The following LRRTM4 variants were observed in gnomAD, a reference collection of about 807,000 sequenced individuals.
LRRTM4 encodes leucine rich repeat transmembrane neuronal 4.
Under a neutral mutation model 47.6 loss-of-function variants are expected in LRRTM4, and 25 were observed. The ratio of observed to expected loss-of-function variants is 0.53; its 90% confidence interval spans 0.38 to 0.73. The LOEUF is 0.73. Among genes scored for constraint, LRRTM4 ranks in the 30% least tolerant of loss-of-function variants. LRRTM4 has a pLI of 0.00. For missense variants in LRRTM4, 638 were observed against 713.4 expected, an observed-to-expected ratio of 0.89 and a Z score of 1.20; for synonymous variants, 311 against 269.5, an observed-to-expected ratio of 1.15 and a Z score of -1.51.
chr2:76,974,213 C>CATATATATATACAT (rs1283439856), intron 3 of LRRTM4, among the ~76,000 whole-genome samples: 17 of 126,424 alleles, frequency 1.3e-4, no homozygotes, highest in South Asian at 4.5e-4. Flanking sequence ...TATATATACA[C>CATATATATATACAT]ATATATATAC....
intron 3 of LRRTM4, among the ~76,000 whole-genome samples, chr2:76,991,013 T>C (rs959017938): frequency 4.0e-5 from 6 of 151,846 alleles, no homozygotes; most frequent in Non-Finnish European, 8.8e-5. Flanking sequence ...ACCACACAGT[T>C]ACATGAAATT....
chr2:77,501,235 T>C (rs1276287596), intron 3 of LRRTM4, among the ~76,000 whole-genome samples: 1 of 150,790 alleles, frequency 6.6e-6, no homozygotes, highest in African/African-American at 2.4e-5. Flanking sequence ...TTTAATCTTT[T>C]AGATTAACTA....
At chr2:77,324,125 A>G (rs1051956463) in intron 3 of LRRTM4, among the ~76,000 whole-genome samples, 2 of 152,136 alleles carry the variant, frequency 1.3e-5, no homozygotes, top group Non-Finnish European at 2.9e-5. Flanking sequence ...TTTCATTTTT[A>G]TAGAGCTCAG....
At chr2:77,352,759 G>T (rs539475056) in intron 3 of LRRTM4, among the ~76,000 whole-genome samples, 32 of 151,702 alleles carry the variant, frequency 2.1e-4, no homozygotes, top group African/African-American at 7.2e-4. Flanking sequence ...ATTTTTTTTT[G>T]TTGTTTTTCC....
At chr2:76,905,513 G>A (rs577488961) in intron 3 of LRRTM4, among the ~76,000 whole-genome samples, 27 of 152,242 alleles carry the variant, frequency 1.8e-4, no homozygotes, top group East Asian at 9.7e-4. Context: ...TGACTTTGAC[G>A]AGTTGAGAGA....
At chr2:76,786,365 A>C (rs1332479609) in intron 3 of LRRTM4, among the ~76,000 whole-genome samples, 1 of 152,256 alleles carries the variant, frequency 6.6e-6, no homozygotes, top group Non-Finnish European at 1.5e-5. Flanking sequence ...CCCACAAATG[A>C]TGAATAGGCA....
At chr2:77,154,011 C>G (rs186619257) in intron 3 of LRRTM4, among the ~76,000 whole-genome samples, 1 of 152,248 alleles carries the variant, frequency 6.6e-6, no homozygotes, top group East Asian at 1.9e-4. Context: ...GAGTACTGCT[C>G]TTAGTATTTT....
At chr2:77,095,503 G>A (rs1823132) in intron 3 of LRRTM4, among the ~76,000 whole-genome samples, 57,880 of 149,536 alleles carry the variant, frequency 0.39, 12,743 homozygotes, top group East Asian at 0.69. Flanking sequence ...AATACCATAT[G>A]CAAACTTTTT....
intron 3 of LRRTM4, among the ~76,000 whole-genome samples, chr2:76,934,197 ATAATG>A (rs1340510960): frequency 6.6e-6 from 1 of 152,208 alleles, no homozygotes; most frequent in African/African-American, 2.4e-5. Context: ...CAATATCACT[ATAATG>A]TAATTATGTT....
chr2:76,885,614 C>A (rs1573256399), intron 3 of LRRTM4, among the ~76,000 whole-genome samples: 1 of 152,070 alleles, frequency 6.6e-6, no homozygotes, highest in East Asian at 1.9e-4. Flanking sequence ...AAGCGCCCAC[C>A]GCCACCACGT....
chr2:77,337,344 AT>A (rs1671203251), intron 3 of LRRTM4, among the ~76,000 whole-genome samples: 1 of 152,056 alleles, frequency 6.6e-6, no homozygotes, highest in Admixed American at 6.6e-5. Flanking sequence ...TATCAATGTC[AT>A]TTTTTAACAG....
At chr2:76,854,671 A>C (rs747942175) in intron 3 of LRRTM4, among the ~76,000 whole-genome samples, 6 of 152,198 alleles carry the variant, frequency 3.9e-5, no homozygotes, top group Non-Finnish European at 7.3e-5. Flanking sequence ...TAAATGAGCT[A>C]CTGGGCTTGC....
intron 3 of LRRTM4, among the ~76,000 whole-genome samples, chr2:76,883,074 G>A (rs910509540): frequency 1.3e-5 from 2 of 152,142 alleles, no homozygotes; most frequent in Non-Finnish European, 2.9e-5. Context: ...GCTACTCTGT[G>A]AATGCTGTTT....
At chr2:76,877,681 C>T (rs1672815205) in intron 3 of LRRTM4, among the ~76,000 whole-genome samples, 1 of 151,968 alleles carries the variant, frequency 6.6e-6, no homozygotes, top group Non-Finnish European at 1.5e-5. Flanking sequence ...ATGATAAAAA[C>T]TTTATCAGTG....
At chr2:77,245,921 G>C (rs572550614) in intron 3 of LRRTM4, among the ~76,000 whole-genome samples, 1 of 152,262 alleles carries the variant, frequency 6.6e-6, no homozygotes, top group African/African-American at 2.4e-5. Context: ...GGAGAAAATA[G>C]AGATTTTGCC....
chr2:77,292,599 A>C (rs1676856459), intron 3 of LRRTM4, among the ~76,000 whole-genome samples: 5 of 151,378 alleles, frequency 3.3e-5, no homozygotes, highest in Admixed American at 2.6e-4. Context: ...TTGCAAGAAC[A>C]AAAAACCAAA....
intron 3 of LRRTM4, among the ~76,000 whole-genome samples, chr2:77,321,540 G>A (rs1677787837): frequency 1.1e-5 from 1 of 94,678 alleles, no homozygotes; most frequent in South Asian, 4.3e-4. Flanking sequence ...ATAAGTGTTG[G>A]CTAAATCGGG....
At chr2:76,995,891 G>T (rs760871287) in intron 3 of LRRTM4, among the ~76,000 whole-genome samples, 5 of 152,024 alleles carry the variant, frequency 3.3e-5, no homozygotes, top group Non-Finnish European at 2.9e-5. Context: ...GCATATCAAG[G>T]TCTAAAGCAC....
chr2:77,299,675 A>G (rs886916535), intron 3 of LRRTM4, among the ~76,000 whole-genome samples: 6 of 152,074 alleles, frequency 3.9e-5, no homozygotes, highest in African/African-American at 1.4e-4. Context: ...TGCATTCTCT[A>G]TTGTAAGACA....
Sources: gnomAD v4.1 joint callset for allele counts (sites outside exome capture counted in the v4.1 genomes callset) on GRCh38, gnomAD v4.1.1 for gene constraint, MANE v1.5 for transcripts, NCBI Gene and HGNC (gene_info 2026-07-23, HGNC 2026-07-21) for gene names.